The following ANKRD18B variants were observed in gnomAD, a reference collection of about 807,000 sequenced individuals.
ANKRD18B encodes ankyrin repeat domain-containing protein 18B.
In ANKRD18B, 75 loss-of-function variants were observed where a neutral mutation model predicts 111.8. The observed-to-expected ratio is 0.67, with a 90% confidence interval of 0.56 to 0.81. The LOEUF (loss-of-function observed/expected upper bound fraction) is 0.81, where lower values mean the gene tolerates loss of function less well. Ranked by LOEUF, ANKRD18B falls within the 40% of genes least tolerant of loss-of-function variation. The pLI is 0.00. For missense variants in ANKRD18B, 1,038 were observed against 1,225.5 expected, an observed-to-expected ratio of 0.85 and a Z score of 2.28; for synonymous variants, 356 against 417.3, an observed-to-expected ratio of 0.85 and a Z score of 1.79.
intron 1 of ANKRD18B, 84 bp from the exon 2 acceptor site, chr9:33,528,643 C>T (rs1828060638): frequency 9.0e-7 from 1 of 1,110,902 alleles, no homozygotes; most frequent in South Asian, 1.8e-5. Context: ...GGAATAATGC[C>T]ATTCAATGTT....
chr9:33,547,330 C>A (rs1398285636), intron 10 of ANKRD18B, among the ~76,000 whole-genome samples: 1 of 152,048 alleles, frequency 6.6e-6, no homozygotes, highest in Non-Finnish European at 1.5e-5. Context: ...ATTGTGATAA[C>A]TAAATAAGTT....
chr9:33,556,409 G>A (rs1297425717), intron 13 of ANKRD18B, among the ~76,000 whole-genome samples: 2 of 151,488 alleles, frequency 1.3e-5, no homozygotes, highest in African/African-American at 2.4e-5. Flanking sequence ...GATTACAGGT[G>A]TGCACCACCC....
intron 12 of ANKRD18B, among the ~76,000 whole-genome samples, chr9:33,552,958 G>A (rs568218871): frequency 1.3e-4 from 20 of 152,130 alleles, no homozygotes; most frequent in East Asian, 5.8e-4. Context: ...ATAAAGAACC[G>A]GAGACACGGA....
Position 33,555,738 on chromosome 9 carries a change from G to C in ANKRD18B, c.2248G>C (p.Val750Leu). ...PEEKHEEFRK[V>L]FELISLLNYT... Reference sequence around the variant, plus strand: ...AGAAAAACATGAAGAATTCAGAAAAGTTTTTGAATTAATATCATTACTGAA... The same window carrying C: ...AGAAAAACATGAAGAATTCAGAAAACTTTTTGAATTAATATCATTACTGAA... The change falls in exon 13 of 19, where the codon GTT (valine) becomes CTT (leucine). Residue 750 changes from valine to leucine, a missense_variant. Coordinates refer to ENST00000684830, the MANE Select transcript of ANKRD18B (RefSeq NM_001393611.1). 10 of 1,411,682 alleles carry C rather than the reference G, an allele frequency of 7.1e-6. No individual in the cohort carries two copies. Among genetic ancestry groups the C allele is most frequent in the Non-Finnish European group, 9.2e-6 (10 of 1,082,006 alleles). 87.4% of individuals were successfully genotyped at this position (1,411,682 alleles called of 1,614,324 possible). A position where few individuals can be genotyped will look rare whatever the true frequency, so the allele number is the denominator to read the frequency against.
Position 33,572,365 on chromosome 9 carries a change from C to T in ANKRD18B, c.3273C>T (p.Ser1091=). Residue 1091 remains serine (S), a synonymous_variant, in exon 19 of 19, where the codon TCC becomes TCT. Transcript: ENST00000684830. Reference sequence around the variant, plus strand: ...CCTATCTACTTTCTTCTCTAGAATCCACTGGTAAGCCACATCTAATGAAGA... The same window carrying T: ...CCTATCTACTTTCTTCTCTAGAATCTACTGGTAAGCCACATCTAATGAAGA... ...PCSYLLSSLE[S]TGKPHLMKRI... is the part of the protein sequence containing the mutation. 1.2e-6 allele frequency: 2 copies of T among 1,611,132 alleles called. No individual in the cohort carries two copies. The highest frequency in any genetic ancestry group is 2.2e-5 in the East Asian group (1 of 44,854).
downstream of ANKRD18B, among the ~76,000 whole-genome samples, chr9:33,573,744 A>G (rs1378529546): frequency 6.9e-6 from 1 of 144,862 alleles, no homozygotes; most frequent in African/African-American, 2.4e-5. Flanking sequence ...GACTTTGAAC[A>G]CAGCTGCTCA....
At chr9:33,532,398 G>T (rs969525797) in intron 3 of ANKRD18B, among the ~76,000 whole-genome samples, 2 of 152,038 alleles carry the variant, frequency 1.3e-5, no homozygotes, top group Admixed American at 1.3e-4. Flanking sequence ...AATTTAAATG[G>T]AAATCAATAC....
chr9:33,539,669 G>A (rs905358508), intron 7 of ANKRD18B, 167 bp downstream of exon 7: 5 of 152,382 alleles, frequency 3.3e-5, no homozygotes, highest in Non-Finnish European at 4.4e-5. Context: ...CTTTGTTGTT[G>A]TTTTACCTGT....
intron 12 of ANKRD18B, among the ~76,000 whole-genome samples, chr9:33,553,269 G>A (rs576075606): frequency 6.6e-6 from 1 of 152,178 alleles, no homozygotes; most frequent in African/African-American, 2.4e-5. Flanking sequence ...GTTGGAGGCT[G>A]TGGTAGGAGG....
intron 10 of ANKRD18B, among the ~76,000 whole-genome samples, chr9:33,545,583 G>A (rs574537363): frequency 1.3e-3 from 199 of 152,284 alleles, no homozygotes; most frequent in African/African-American, 4.6e-3. Context: ...GTGTTTCAGG[G>A]ACCCACATAT....
intron 12 of ANKRD18B, among the ~76,000 whole-genome samples, chr9:33,552,264 T>A (rs931334432): frequency 1.3e-5 from 2 of 152,206 alleles, no homozygotes; most frequent in Non-Finnish European, 2.9e-5. Flanking sequence ...TTTCTCAGTA[T>A]GAAAAAAGAA....
At chr9:33,531,556 T>C (rs1318404703) in intron 3 of ANKRD18B, among the ~76,000 whole-genome samples, 1 of 150,136 alleles carries the variant, frequency 6.7e-6, no homozygotes, top group East Asian at 2.0e-4. Flanking sequence ...TGCGCAGAGG[T>C]TGCCCTGGGT....
chr9:33,526,976 G>C lies in ANKRD18B; in HGVS notation c.207-1751G>C, dbSNP rs519831. 7.9e-3 allele frequency among the ~76,000 whole-genome samples: 1,202 copies of C among 152,220 alleles called. 20 individuals are homozygous for C. The highest frequency in any genetic ancestry group is 0.028 in the African/African-American group (1,148 of 41,528). On this transcript the variant is annotated intron_variant, in intron 1 of 18. Transcript: ENST00000684830. ...CATAACCTGAATATGTTATGTAGCA[G>C]ACATTTTGCACTATCTCTCAGGATG...
At position 33,529,057 on chromosome 9, in the gene ANKRD18B, C is replaced by A; in HGVS notation, c.379C>A (p.Pro127Thr). The change falls in exon 3 of 19, where the codon CCA becomes ACA. Residue 127 changes from proline (P) to threonine (T), a missense_variant. Around this residue, in one of 4 missense-constraint regions of ANKRD18B, gnomAD observed 216 missense variants for 205.1 expected, o/e 1.05. Transcript: ENST00000684830. ...TATTCTCCTGAAACGTGGCGCCAAT[C>A]CAAACATTAAGGATATCTACGGCAA... is the stretch of plus-strand genomic sequence containing the variant. ...AIILLKRGAN[P>T]NIKDIYGNTA... 1 of 1,612,228 alleles carries A rather than the reference C, an allele frequency of 6.2e-7. No individual in the cohort carries two copies. Among genetic ancestry groups the A allele is most frequent in the East Asian group, 2.2e-5 (1 of 44,886 alleles).
In ANKRD18B at chr9:33,548,550, C is replaced by T. The variant is rs771233621; in HGVS notation, c.1762C>T (p.Arg588Ter). ...GCTGGACCTAAAGCAAGCGCAGCAT[C>T]GAATAAAGGAAATGAAGCAGATGCA... ...VQLDLKQAQH[R>*]IKEMKQMHPN... The change falls in exon 11 of 19, where the codon CGA (arginine) becomes TGA (stop). Residue 588 changes from arginine to a stop codon, truncating the protein, a stop_gained. Transcript: ENST00000684830. LOFTEE classifies it high-confidence loss of function. The T allele has an allele frequency of 3.0e-5, 47 of 1,550,780 alleles. No homozygotes were observed. Among genetic ancestry groups the T allele is most frequent in the Non-Finnish European group, 3.8e-5 (43 of 1,146,498 alleles).
chr9:33,549,137 T>C (rs539322929), intron 11 of ANKRD18B, among the ~76,000 whole-genome samples: 35 of 152,306 alleles, frequency 2.3e-4, no homozygotes, highest in African/African-American at 7.9e-4. Flanking sequence ...GTAGAGATGG[T>C]TGCACGACAC....
rs1311482960 is a variant in ANKRD18B, at chr9:33,566,246, G to A, written c.2488G>A (p.Ala830Thr). 9 of 1,558,068 alleles carry A rather than the reference G, an allele frequency of 5.8e-6. 1 individual carries two copies. The South Asian group carries it at 1.1e-4, about 18-fold the overall frequency. Residue 830 changes from alanine to threonine, a missense_variant, in exon 15 of 19, where the codon GCT becomes ACT. Coordinates refer to ENST00000684830, the MANE Select transcript of ANKRD18B (RefSeq NM_001393611.1). ...KFDDLMAEKE[A>T]VSSKCVNLAK... is the part of the protein sequence containing the mutation. Reference sequence around the variant, plus strand: ...TGATGATCTTATGGCCGAGAAGGAAGCTGTATCTTCAAAATGTGTCAATTT... The same window carrying A: ...TGATGATCTTATGGCCGAGAAGGAAACTGTATCTTCAAAATGTGTCAATTT...
chr9:33,528,053 C>T (rs145621027), intron 1 of ANKRD18B, among the ~76,000 whole-genome samples: 1 of 152,302 alleles, frequency 6.6e-6, no homozygotes, highest in Non-Finnish European at 1.5e-5. Context: ...CATTCTAGAA[C>T]TTTGGAAGGC....
chr9:33,559,820 C>T lies in ANKRD18B; in HGVS notation c.2460+1633C>T, dbSNP rs548530426. On this transcript the variant is annotated intron_variant, in intron 14 of 18. Coordinates refer to ENST00000684830, the MANE Select transcript of ANKRD18B (RefSeq NM_001393611.1). Reference sequence around the variant, plus strand: ...GGTTTATTGAGAAGTAATTAACATACCATGCAATTCACTCATTTAAAATAT... The same window carrying T: ...GGTTTATTGAGAAGTAATTAACATATCATGCAATTCACTCATTTAAAATAT... 5.9e-5 allele frequency among the ~76,000 whole-genome samples: 9 copies of T among 152,130 alleles called. No homozygotes were observed. The South Asian group carries it at 1.7e-3, about 28-fold the overall frequency.
Sources: allele counts gnomAD v4.1 joint callset (sites outside exome capture counted in the v4.1 genomes callset), GRCh38; gene constraint gnomAD v4.1.1; regional missense constraint gnomAD v4.1.1; transcripts MANE v1.5; gene names NCBI Gene and HGNC (gene_info 2026-07-23, HGNC 2026-07-21).